The following EPM2A variants were observed in gnomAD, a reference collection of about 807,000 sequenced individuals.
EPM2A encodes the protein laforin.
EPM2A carries 21 observed loss-of-function variants against 26.5 expected under a neutral mutation model. That is an observed-to-expected ratio of 0.79 (90% CI 0.56 to 1.14). The LOEUF is 1.14. EPM2A is among the 50% of genes most tolerant of loss of function. The pLI is 0.00. For synonymous variants in EPM2A, 217 were observed against 177.6 expected, an observed-to-expected ratio of 1.22 and a Z score of -1.76; for missense variants, 458 against 440.8, an observed-to-expected ratio of 1.04 and a Z score of -0.35.
intron 4 of EPM2A, among the ~76,000 whole-genome samples, chr6:145,432,535 G>T (rs1439458871): frequency 6.7e-6 from 1 of 149,648 alleles, no homozygotes; most frequent in Non-Finnish European, 1.5e-5. Context: ...CTCAGCAGTG[G>T]GCTTCAAATA....
At chr6:145,484,481 A>G (rs1779649088) in intron 4 of EPM2A, among the ~76,000 whole-genome samples, 1 of 152,086 alleles carries the variant, frequency 6.6e-6, no homozygotes, top group African/African-American at 2.4e-5. Flanking sequence ...TTGAAGAAAT[A>G]ACATATATAC....
intron 1 of EPM2A, among the ~76,000 whole-genome samples, chr6:145,687,692 G>A (rs949592159): frequency 3.3e-5 from 5 of 152,026 alleles, no homozygotes; most frequent in Non-Finnish European, 5.9e-5. Context: ...ACCTAAATTT[G>A]CTTGGCGTAA....
chr6:145,494,385 T>C (rs1343529538), intron 4 of EPM2A, among the ~76,000 whole-genome samples: 1 of 152,180 alleles, frequency 6.6e-6, no homozygotes, highest in Non-Finnish European at 1.5e-5. Context: ...TTCTTCTTTA[T>C]TTGTCTAGGT....
chr6:145,635,011 G>T, intron 3 of EPM2A: 1 of 449,554 alleles, frequency 2.2e-6, no homozygotes, highest in Non-Finnish European at 4.0e-6. Context: ...GCATAATGCC[G>T]CATACCCAGT....
chr6:145,423,401 G>T (rs1234991177), intron 4 of EPM2A, among the ~76,000 whole-genome samples: 1 of 152,142 alleles, frequency 6.6e-6, no homozygotes, highest in African/African-American at 2.4e-5. Flanking sequence ...AGATGTGGTG[G>T]CCTTGACTGT....
chr6:145,610,069 G>A (rs1411562679), intron 2 of EPM2A, among the ~76,000 whole-genome samples: 4 of 152,134 alleles, frequency 2.6e-5, no homozygotes, highest in Non-Finnish European at 5.9e-5. Context: ...ACAAAAATTA[G>A]CGGGGCCTGG....
intron 4 of EPM2A, among the ~76,000 whole-genome samples, chr6:145,447,406 T>C (rs1415227741): frequency 6.6e-6 from 1 of 152,158 alleles, no homozygotes; most frequent in Non-Finnish European, 1.5e-5. Context: ...TTATCCTTGC[T>C]ACCCTAGATT....
chr6:145,515,264 T>C (rs1183751323), intron 2 of EPM2A, among the ~76,000 whole-genome samples: 7 of 152,200 alleles, frequency 4.6e-5, no homozygotes, highest in African/African-American at 1.7e-4. Flanking sequence ...GCAATGGTGA[T>C]GCCTAAGATC....
At chr6:145,618,153 G>A (rs1465001901) in intron 2 of EPM2A, among the ~76,000 whole-genome samples, 1 of 152,104 alleles carries the variant, frequency 6.6e-6, no homozygotes, top group East Asian at 1.9e-4. Context: ...AAGCACCCTT[G>A]AGGACTCATG....
intron 2 of EPM2A, among the ~76,000 whole-genome samples, chr6:145,544,603 GT>G (rs552039566): frequency 8.6e-5 from 13 of 151,428 alleles, no homozygotes; most frequent in South Asian, 4.2e-4. Context: ...TTATAAATTG[GT>G]TTTTTTTTCT....
chr6:145,444,545 G>C (rs755157500), intron 4 of EPM2A, among the ~76,000 whole-genome samples: 3 of 152,142 alleles, frequency 2.0e-5, no homozygotes, highest in Non-Finnish European at 2.9e-5. Context: ...AAGTTTTCTT[G>C]TTTTTGTTGT....
At chr6:145,556,186 T>C (rs1780726517) in intron 2 of EPM2A, among the ~76,000 whole-genome samples, 1 of 152,188 alleles carries the variant, frequency 6.6e-6, no homozygotes, top group Non-Finnish European at 1.5e-5. Flanking sequence ...GAACACATGA[T>C]AAAAGCATGC....
chr6:145,722,858 T>A, intron 1 of EPM2A: 1 of 399,822 alleles, frequency 2.5e-6, no homozygotes, highest in South Asian at 1.9e-5. Context: ...AAGATAGCCA[T>A]CTATAAACCA....
At chr6:145,692,092 G>C (rs570384425) in intron 1 of EPM2A, among the ~76,000 whole-genome samples, 31 of 151,872 alleles carry the variant, frequency 2.0e-4, no homozygotes, top group Non-Finnish European at 2.8e-4. Flanking sequence ...ATTATATAAA[G>C]TATACTTCAG....
At chr6:145,735,753 T>A, upstream of EPM2A, 1 of 554,762 alleles carries the variant, frequency 1.8e-6, no homozygotes. Flanking sequence ...GGCGGTTGAT[T>A]TCCACCTGTG....
At chr6:145,386,030 T>C (rs146013097) in intron 4 of EPM2A, among the ~76,000 whole-genome samples, 116 of 152,218 alleles carry the variant, frequency 7.6e-4, no homozygotes, top group African/African-American at 2.6e-3. Flanking sequence ...TCTTACCAGG[T>C]ACTGAAGTAA....
At chr6:145,397,387 G>A (rs547420159) in intron 4 of EPM2A, among the ~76,000 whole-genome samples, 2 of 152,224 alleles carry the variant, frequency 1.3e-5, no homozygotes, top group East Asian at 1.9e-4. Flanking sequence ...GCTGCAGTGA[G>A]GTATGATGAC....
At chr6:145,653,366 GCCTTCCACCATGATTGTAGGTTT>G (rs1305898702) in intron 2 of EPM2A, among the ~76,000 whole-genome samples, 7 of 152,100 alleles carry the variant, frequency 4.6e-5, no homozygotes, top group South Asian at 2.1e-4. Context: ...TGCCTGCTTT[GCCTTCCACCATGATTGTAGGTTT>G]CCTTCCACCA....
At chr6:145,578,835 T>G (rs1436792611) in intron 2 of EPM2A, among the ~76,000 whole-genome samples, 1 of 152,140 alleles carries the variant, frequency 6.6e-6, no homozygotes, top group Non-Finnish European at 1.5e-5. Context: ...CTCCAAATCT[T>G]TACCCTCATC....
Sources: gnomAD v4.1 joint callset for allele counts (sites outside exome capture counted in the v4.1 genomes callset) on GRCh38, gnomAD v4.1.1 for gene constraint, MANE v1.5 for transcripts, NCBI Gene and HGNC (gene_info 2026-07-23, HGNC 2026-07-21) for gene names.